Variants in SH3TC1 observed in about 807,000 individuals in gnomAD.
SH3TC1 encodes SH3 domain and tetratricopeptide repeat-containing protein 1.
Under a neutral mutation model 117.3 loss-of-function variants are expected in SH3TC1, and 135 were observed. The ratio of observed to expected loss-of-function variants is 1.15; its 90% CI spans 1.00 to 1.33. The LOEUF is 1.33. Among genes scored for constraint, SH3TC1 ranks in the 40% most tolerant of loss-of-function variants. SH3TC1 has a pLI of 0.00. For missense variants in SH3TC1, 2,092 were observed against 1,794.3 expected (o/e 1.17, Z -3.00); for synonymous variants, 898 against 816.9 (o/e 1.10, Z -1.69).
At chr4:8,219,269 C>A (rs4696781) in intron 8 of SH3TC1, 66 bp from the exon 9 acceptor site, 2 of 1,463,000 alleles carry the variant, frequency 1.4e-6, no homozygotes, top group African/African-American at 2.8e-5. Context: ...CTGGCATCGG[C>A]CCTGTCTGCC....
Position 8,236,383 on chromosome 4 carries a change from G to A in SH3TC1, c.3511G>A (p.Gly1171Ser). 2 of 1,538,916 alleles carry A rather than the reference G, an allele frequency of 1.3e-6. No individual in the cohort carries two copies. Among genetic ancestry groups the A allele is most frequent in the Non-Finnish European group, 1.8e-6 (2 of 1,140,698 alleles). ...LLATLEEPQEGLEFAHMALAL... is the reference protein window; with the variant it reads ...LLATLEEPQESLEFAHMALAL... ...GGCCACGCTGGAGGAGCCCCAGGAG[G>A]GCTTGGAGTTTGCCCACATGGCCCT... Residue 1171 changes from glycine (G) to serine (S), a missense_variant, in exon 16 of 18, where the codon GGC becomes AGC. Transcript: ENST00000245105.
Position 8,186,292 on chromosome 4 carries a change from T to C in SH3TC1, c.-57+4082T>C, listed in dbSNP as rs1412439474. Among the ~76,000 whole-genome samples the C allele has an allele frequency of 6.6e-6, 1 of 152,176 alleles. No homozygotes were observed. The highest frequency in any genetic ancestry group is 2.4e-5 in the African/African-American group (1 of 41,440). ...CCCAGTGCAAGCACAATCACAAAGA[T>C]ACCTGCCAGTTCTCCCCAGAACTGT... On this transcript the variant is annotated intron_variant, in intron 1 of 16. Transcript: ENST00000508641. The surrounding 1 kb of genome is among the most constrained non-coding windows in gnomAD (Gnocchi z 5.2).
In SH3TC1 at chr4:8,223,831, C is replaced by T. The variant is rs146458461; in HGVS notation, c.1243+861C>T. The stretch of plus-strand genomic sequence containing the variant: ...GCATTTTTTTATACAGACAGAGTTT[C>T]GCCATGTTGGCCAGGCTGTTCTCGA... On this transcript the variant is annotated intron_variant, in intron 10 of 17. Coordinates refer to ENST00000245105, the MANE Select transcript of SH3TC1 (RefSeq NM_018986.5). 2.3e-3 allele frequency among the ~76,000 whole-genome samples: 349 copies of T among 152,224 alleles called. 3 individuals are homozygous for T. The East Asian group carries it at 0.026, about 11-fold the overall frequency.
chr4:8,221,529 C>T (rs943819757), intron 9 of SH3TC1, among the ~76,000 whole-genome samples: 3 of 152,102 alleles, frequency 2.0e-5, no homozygotes, highest in African/African-American at 7.2e-5. Flanking sequence ...TCCCACACGC[C>T]CTCACCCAGA....
In SH3TC1 at chr4:8,227,902, G is replaced by A; in HGVS notation, c.2208G>A (p.Arg736=). Residue 736 remains arginine (R), a synonymous_variant, in exon 12 of 18, where the codon CGG becomes CGA. Transcript: ENST00000245105. ...GCTGTGTCAAGGTGGCCTCATTGCG[G>A]ACACGGGGCTCGCTGGCCGGCTCGC... is the stretch of plus-strand genomic sequence containing the variant. ...VLSCVKVASL[R]TRGSLAGSLR... is the part of the protein sequence containing the mutation. 6.2e-7 allele frequency: 1 copy of A among 1,612,812 alleles called. No individual in the cohort carries two copies. Among genetic ancestry groups the A allele is most frequent in the East Asian group, 2.2e-5 (1 of 44,880 alleles).
chr4:8,237,701 T>C, intron 17 of SH3TC1, 31 bp downstream of exon 17: 1 of 1,558,108 alleles, frequency 6.4e-7, no homozygotes, highest in Non-Finnish European at 8.7e-7. Flanking sequence ...CTCAGGGTGT[T>C]CCCGGCCCCC....
At chr4:8,212,639 G>C (rs1289250227) in intron 3 of SH3TC1, 62 bp from the exon 4 acceptor site, 4 of 1,608,134 alleles carry the variant, frequency 2.5e-6, no homozygotes, top group African/African-American at 1.3e-5. Flanking sequence ...GTGGAGTACA[G>C]TGCCCCACAG....
chr4:8,228,516 G>A lies in SH3TC1; in HGVS notation c.2822G>A (p.Cys941Tyr). The A allele has an allele frequency of 6.2e-7, 1 of 1,611,550 alleles. No homozygotes were observed. Among genetic ancestry groups the A allele is most frequent in the Non-Finnish European group, 8.5e-7 (1 of 1,179,596 alleles). Reference protein sequence around the residue: ...RLFSRLPLGECGRDFTHVLLQ... With the variant: ...RLFSRLPLGEYGRDFTHVLLQ... ...TTCTCGAGGCTGCCCCTTGGGGAGTGTGGCCGGGACTTCACCCACGTGCTC... is the reference window on the plus strand; with the variant it reads ...TTCTCGAGGCTGCCCCTTGGGGAGTATGGCCGGGACTTCACCCACGTGCTC... The change falls in exon 12 of 18, where the codon TGT becomes TAT. Residue 941 changes from cysteine (C) to tyrosine (Y), a missense_variant. By Grantham distance (194) the Cys-to-Tyr change is radical. Transcript: ENST00000245105.
rs1404328916 is a variant in SH3TC1 at position 8,205,225 on chromosome 4, G to T, written c.31G>T (p.Glu11Ter). The T allele has an allele frequency of 6.5e-7, 1 of 1,547,852 alleles. No homozygotes were observed. The highest frequency in any genetic ancestry group is 1.4e-5 in the African/African-American group (1 of 73,036). ...GAACCTCCCTGCCGTGACCACTGAG[G>T]AGCCGACCCCCATGGGGAGGGGTCC... Reference protein sequence around the residue: MENLPAVTTEEPTPMGRGPVG... With the variant: MENLPAVTTE The change falls in exon 2 of 18, where the codon GAG (glutamate) becomes TAG (stop). Residue 11 changes from glutamate (E) to a stop codon, truncating the protein, a stop_gained. Transcript: ENST00000245105. LOFTEE classifies it high-confidence loss of function. The surrounding 1 kb of genome is among the most constrained non-coding windows in gnomAD (Gnocchi z 5.4).
intron 1 of SH3TC1, among the ~76,000 whole-genome samples, chr4:8,187,421 G>A (rs185373243): frequency 3.1e-4 from 47 of 152,256 alleles, no homozygotes; most frequent in African/African-American, 9.4e-4. Context: ...GTCATGCTCC[G>A]CCCACCAGCC....
At position 8,192,440 on chromosome 4, in the gene SH3TC1, C is replaced by T. The variant is rs1281958845; in HGVS notation, c.-57+10230C>T. ...GTAAATTACAATCTTCTTATCCAAC[C>T]ACTTGTCTTTATTTTATTTTATTTT... On this transcript the variant is annotated intron_variant, in intron 1 of 16. Transcript: ENST00000508641. This position sits in a 1 kb window ranked among gnomAD's most constrained non-coding sequence, Gnocchi z 4.1. 2.1e-5 allele frequency among the ~76,000 whole-genome samples: 3 copies of T among 139,742 alleles called. No homozygotes were observed. Among genetic ancestry groups the T allele is most frequent in the African/African-American group, 8.1e-5 (3 of 37,004 alleles). 91.7% of individuals were successfully genotyped at this position (139,742 alleles called of 152,430 possible).
chr4:8,205,464 A>G lies in SH3TC1; in HGVS notation c.172+98A>G. 8.0e-7 allele frequency: 1 copy of G among 1,256,552 alleles called. No individual in the cohort carries two copies. Among genetic ancestry groups the G allele is most frequent in the Non-Finnish European group, 1.1e-6 (1 of 946,710 alleles). The allele number at this position is 1,256,552 out of a possible 1,614,324, so 77.8% of individuals were successfully genotyped here. ...ATCCCTCACCACCCTGCCTGCCTCC[A>G]GGCCTCTTGGGGCTGGGGCTGGAGT... On this transcript the variant is annotated intron_variant, in intron 2 of 17. Coordinates refer to ENST00000245105, the MANE Select transcript of SH3TC1 (RefSeq NM_018986.5). The surrounding 1 kb of genome is among the most constrained non-coding windows in gnomAD (Gnocchi z 5.4).
chr4:8,182,817 G>T (rs978759980), intron 1 of SH3TC1, among the ~76,000 whole-genome samples: 1 of 152,138 alleles, frequency 6.6e-6, no homozygotes, highest in Admixed American at 6.5e-5. Context: ...CTGCCCTCCT[G>T]CTACACCAGT....
rs999955780 is a variant in SH3TC1, at chr4:8,232,049, C to T, written c.3024C>T (p.Ile1008=). 7.1e-5 allele frequency: 114 copies of T among 1,613,400 alleles called. No individual in the cohort carries two copies. Among genetic ancestry groups the T allele is most frequent in the Non-Finnish European group, 9.4e-5 (111 of 1,180,032 alleles). ...TGCCCAGCGAGGCCCAGTGTGTCAT[C>T]TACCATGAGCTCCAGCTCTCCCTGG... ...AVMPSEAQCV[I]YHELQLSLAC... Residue 1008 remains isoleucine, a synonymous_variant, in exon 13 of 18, where the codon ATC becomes ATT. Transcript: ENST00000245105.
intron 5 of SH3TC1, among the ~76,000 whole-genome samples, chr4:8,215,652 C>G (rs1014871003): frequency 6.6e-6 from 1 of 152,190 alleles, no homozygotes; most frequent in Admixed American, 6.5e-5. Context: ...AGGCTCACTG[C>G]CCCAGACGAG....
At position 8,183,836 on chromosome 4, in the gene SH3TC1, G is replaced by T. The variant is rs573065106; in HGVS notation, c.-57+1626G>T. Among the ~76,000 whole-genome samples, 6 of 152,208 alleles carry T rather than the reference G, an allele frequency of 3.9e-5. No individual in the cohort carries two copies. The highest frequency in any genetic ancestry group is 8.8e-5 in the Non-Finnish European group (6 of 68,026). ...TTACCTAACGCCTTCGCCTGCCCCG[G>T]GATCCCACCCAGGACCCCACTTTGT... On this transcript the variant is annotated intron_variant, in intron 1 of 16. Transcript: ENST00000508641. The surrounding 1 kb of genome is among the most constrained non-coding windows in gnomAD (Gnocchi z 5.4).
At position 8,201,213 on chromosome 4, in the gene SH3TC1, C is replaced by G. The variant is rs562107135; in HGVS notation, c.-29+1808C>G. On this transcript the variant is annotated intron_variant, in intron 1 of 17. Coordinates refer to ENST00000245105, the MANE Select transcript of SH3TC1 (RefSeq NM_018986.5). Reference sequence around the variant, plus strand: ...GGCCGCGGCCCTCTCCCTTCTTCTTCCAACCCACATTCACCAAACTCTGAC... The same window carrying G: ...GGCCGCGGCCCTCTCCCTTCTTCTTGCAACCCACATTCACCAAACTCTGAC... 3.9e-5 allele frequency among the ~76,000 whole-genome samples: 6 copies of G among 152,344 alleles called. No individual in the cohort carries two copies. The East Asian group carries it at 7.7e-4, about 20-fold the overall frequency.
At chr4:8,240,161 T>G (rs150594858) in intron 17 of SH3TC1, among the ~76,000 whole-genome samples, 1 of 151,972 alleles carries the variant, frequency 6.6e-6, no homozygotes, top group African/African-American at 2.4e-5. Flanking sequence ...CCAGGGATGG[T>G]GAGTTTGAGC....
At chr4:8,194,393 C>T (rs538814152), upstream of SH3TC1, among the ~76,000 whole-genome samples, 17 of 151,026 alleles carry the variant, frequency 1.1e-4, no homozygotes, top group Admixed American at 3.3e-4. Flanking sequence ...ATGCCTGCCG[C>T]TTCTAGTGCT....
Sources: allele counts gnomAD v4.1 joint callset (sites outside exome capture counted in the v4.1 genomes callset), GRCh38; gene constraint gnomAD v4.1.1; non-coding constraint Gnocchi (gnomAD v3.1); transcripts MANE v1.5; gene names NCBI Gene and HGNC (gene_info 2026-07-23, HGNC 2026-07-21).